The following STK11IP variants were observed in gnomAD, a reference collection of about 807,000 sequenced individuals.
STK11IP encodes serine/threonine-protein kinase 11-interacting protein.
Under a neutral mutation model 131.7 loss-of-function variants are expected in STK11IP, and 103 were observed. That is an observed-to-expected ratio of 0.78 (90% confidence interval 0.67 to 0.92). STK11IP has a LOEUF of 0.92. Ranked by LOEUF, STK11IP falls within the 40% of genes least tolerant of loss-of-function variation. The probability of loss-of-function intolerance (pLI) is 0.00; values close to 1 mark genes in which losing one functional copy is unlikely to be tolerated. For missense variants in STK11IP, 1,315 were observed against 1,385.7 expected (o/e 0.95, Z 0.81); for synonymous variants, 557 against 575.6 (o/e 0.97, Z 0.46).
chr2:219,612,739 G>T lies in STK11IP; in HGVS notation c.2440-389G>T, dbSNP rs550717757. 2.0e-5 allele frequency among the ~76,000 whole-genome samples: 3 copies of T among 152,012 alleles called. No homozygotes were observed. In the South Asian group the frequency reaches 6.2e-4, roughly 32 times the overall value. ...CAGGGGTCCTGAGAGGACTCTGGGG[G>T]GCCGGCAGGGGCCAGGTCAGGAGCT... On this transcript the variant is annotated intron_variant, in intron 19 of 24. Coordinates refer to ENST00000456909, the MANE Select transcript of STK11IP (RefSeq NM_052902.4).
At chr2:219,605,439 G>A in intron 7 of STK11IP, 169 bp from the exon 8 acceptor site, 1 of 642,234 alleles carries the variant, frequency 1.6e-6, no homozygotes, top group Non-Finnish European at 2.7e-6. Flanking sequence ...CAGTGCTGGT[G>A]TTGTTCAAGT....
intron 9 of STK11IP, 64 bp downstream of exon 9, chr2:219,606,123 G>C: frequency 6.5e-7 from 1 of 1,542,278 alleles, no homozygotes; most frequent in Non-Finnish European, 8.8e-7. Context: ...ATGCTGGTTT[G>C]GTCAGTGCCT....
rs1698256135 is a variant in STK11IP, at chr2:219,608,115, T to C, written c.1288T>C (p.Trp430Arg). The C allele has an allele frequency of 1.2e-6, 2 of 1,613,324 alleles. No individual in the cohort carries two copies. Residue 430 changes from tryptophan (W) to arginine (R), a missense_variant, in exon 14 of 25, where the codon TGG (tryptophan) becomes CGG (arginine). Trp to Arg is a moderately radical substitution (Grantham distance 101). Transcript: ENST00000456909. The part of the protein sequence containing the change: ...SSFRERFGRN[W>R]LQYRSHLEPS... ...CTTCCGGGAACGGTTCGGCCGCAAC[T>C]GGCTGCAGTACAGGAGTCACCTGGA...
In STK11IP at chr2:219,609,476, G is replaced by A; in HGVS notation, c.2040G>A (p.Lys680=). ...FQCLRCGHEF[K]PEEPRMGLDS... ...GTCTACGCTGTGGCCATGAGTTCAA[G>A]CCAGAGGAGCCCAGGATGGGATTAG... Residue 680 remains lysine, a synonymous_variant, in exon 17 of 25, where the codon AAG becomes AAA. Transcript: ENST00000456909. 6.2e-7 allele frequency: 1 copy of A among 1,605,730 alleles called. No individual in the cohort carries two copies. Among genetic ancestry groups the A allele is most frequent in the African/African-American group, 1.3e-5 (1 of 74,926 alleles).
chr2:219,606,181 T>C lies in STK11IP; in HGVS notation c.850-14T>C. ...GCCCCAGGCCCTCCTCATTCTCCCC[T>C]TCCTGCCCCTCAGCTCTACCTGGAG... is the stretch of plus-strand genomic sequence containing the variant. On this transcript the variant is annotated splice_polypyrimidine_tract_variant and intron_variant, in intron 9 of 24. Coordinates refer to ENST00000456909, the MANE Select transcript of STK11IP (RefSeq NM_052902.4). 6.4e-7 allele frequency: 1 copy of C among 1,557,220 alleles called. No individual in the cohort carries two copies. Among genetic ancestry groups the C allele is most frequent in the Non-Finnish European group, 8.7e-7 (1 of 1,149,918 alleles).
chr2:219,609,669 C>G (rs1262698587), intron 17 of STK11IP, 129 bp downstream of exon 17: 7 of 1,111,132 alleles, frequency 6.3e-6, no homozygotes, highest in African/African-American at 1.6e-5. Flanking sequence ...GTTGTTCTGC[C>G]TGGAGGAAAA....
chr2:219,605,856 C>A, intron 8 of STK11IP, 100 bp from the exon 9 acceptor site: 1 of 1,482,572 alleles, frequency 6.7e-7, no homozygotes, highest in South Asian at 1.2e-5. Flanking sequence ...CAGGGGTGCT[C>A]TGGCCGGTCT....
In STK11IP at chr2:219,611,828, A is replaced by C. The variant is rs776942634; in HGVS notation, c.2329A>C (p.Ser777Arg). ...STRDHGSWSL[S>R]PPPERCGLRS... ...CCGTGACCATGGTAGTTGGAGCCTC[A>C]GTCCCCGTGAGTATAGGCAAAACAA... The change falls in exon 18 of 25, where the codon AGT becomes CGT. Residue 777 changes from serine to arginine, a missense_variant. Coordinates refer to ENST00000456909, the MANE Select transcript of STK11IP (RefSeq NM_052902.4). The C allele has an allele frequency of 2.1e-5, 34 of 1,610,936 alleles. No individual in the cohort carries two copies. The highest frequency in any genetic ancestry group is 2.7e-5 in the Non-Finnish European group (32 of 1,178,898).
intron 3 of STK11IP, 49 bp downstream of exon 3, chr2:219,601,489 G>T: frequency 6.3e-7 from 1 of 1,598,116 alleles, no homozygotes; most frequent in South Asian, 1.1e-5. Context: ...CCAAGAGAAT[G>T]ATGGAAGTTG....
chr2:219,615,039 C>G, intron 23 of STK11IP, 55 bp from the exon 24 acceptor site: 1 of 1,567,382 alleles, frequency 6.4e-7, no homozygotes, highest in Non-Finnish European at 8.6e-7. Flanking sequence ...GACGCTGGCC[C>G]CAGGGATCTG....
Position 219,602,010 on chromosome 2 carries a change from G to A in STK11IP, c.365G>A (p.Cys122Tyr). The change falls in exon 5 of 25, where the codon TGT (cysteine) becomes TAT (tyrosine). Residue 122 changes from cysteine (C) to tyrosine (Y), a missense_variant. Transcript: ENST00000456909. ...CAGCTCCGAGGTGTTCCCCTCCACT[G>A]TCTGCATGGCCTCCGAGGCATCTAC... is the stretch of plus-strand genomic sequence containing the variant. ...HLELRGVPLHCLHGLRGIYSQ... is the reference protein window; with the variant it reads ...HLELRGVPLHYLHGLRGIYSQ... 6.2e-7 allele frequency: 1 copy of A among 1,611,786 alleles called. No individual in the cohort carries two copies. The highest frequency in any genetic ancestry group is 8.5e-7 in the Non-Finnish European group (1 of 1,179,108).
intron 10 of STK11IP, 80 bp downstream of exon 10, chr2:219,606,370 G>T: frequency 1.9e-6 from 3 of 1,546,204 alleles, no homozygotes; most frequent in Non-Finnish European, 2.6e-6. Flanking sequence ...TGCCATCCCT[G>T]GGTGAGGGGC....
chr2:219,602,659 T>C (rs1259395678), intron 6 of STK11IP, 46 bp from the exon 7 acceptor site: 1 of 1,612,110 alleles, frequency 6.2e-7, no homozygotes, highest in Admixed American at 1.7e-5. Flanking sequence ...GACCAGATAG[T>C]ATTGTAGTGA....
chr2:219,606,989 C>T, intron 12 of STK11IP, 64 bp from the exon 13 acceptor site: 2 of 1,608,772 alleles, frequency 1.2e-6, no homozygotes, highest in Admixed American at 3.3e-5. Flanking sequence ...GTTGGATGGC[C>T]AGCCGTGGAT....
Position 219,605,607 on chromosome 2 carries a change from G to C in STK11IP, c.619-1G>C, listed in dbSNP as rs768243081. 2.4e-5 allele frequency: 37 copies of C among 1,551,764 alleles called. No homozygotes were observed. The highest frequency in any genetic ancestry group is 3.2e-5 in the Non-Finnish European group (37 of 1,147,032). ...CTTTTTCTCCCCTGTACCCCTGCCA[G>C]GATTTGTGTGAGCTCCACCATCTGG... On this transcript the variant is annotated splice_acceptor_variant, in intron 7 of 24. Transcript: ENST00000456909. LOFTEE classifies it high-confidence loss of function.
rs774957017 is a variant in STK11IP, at chr2:219,601,293, G to A, written c.120G>A (p.Gln40=). ...TLSLLTPTLQ[Q]LNHVFELHLG... ...GCCTGCTGACTCCCACACTGCAACAGCTGAACCACGTATTTGAGCTGCACC... is the reference window on the plus strand; with the variant it reads ...GCCTGCTGACTCCCACACTGCAACAACTGAACCACGTATTTGAGCTGCACC... The change falls in exon 3 of 25, where the codon CAG becomes CAA. Residue 40 remains glutamine (Q), a synonymous_variant. Coordinates refer to ENST00000456909, the MANE Select transcript of STK11IP (RefSeq NM_052902.4). 1.9e-6 allele frequency: 3 copies of A among 1,614,064 alleles called. No individual in the cohort carries two copies. In the Admixed American group the frequency reaches 5.0e-5, roughly 27 times the overall value.
intron 19 of STK11IP, among the ~76,000 whole-genome samples, chr2:219,612,875 T>C (rs552719583): frequency 2.0e-5 from 3 of 152,090 alleles, no homozygotes; most frequent in Non-Finnish European, 4.4e-5. Flanking sequence ...GAATAGTTAG[T>C]CTGGCGGAGC....
At chr2:219,612,103 GC>G in intron 19 of STK11IP, 45 bp downstream of exon 19, 1 of 1,537,254 alleles carries the variant, frequency 6.5e-7, no homozygotes, top group East Asian at 2.4e-5. Flanking sequence ...TGTCCAGGGT[GC>G]CCACTCGTTT....
At position 219,602,077 on chromosome 2, in the gene STK11IP, A is replaced by G. The variant is rs753817039; in HGVS notation, c.432A>G (p.Ala144=). The change falls in exon 5 of 25, where the codon GCA becomes GCG. Residue 144 remains alanine (A), a synonymous_variant. Coordinates refer to ENST00000456909, the MANE Select transcript of STK11IP (RefSeq NM_052902.4). ...TGATTTGCAGCAGGAGCCTCCAGGC[A>G]TTAGAGGTAAGGAGAGTGAGGGGTG... is the stretch of plus-strand genomic sequence containing the variant. The part of the protein sequence containing the change: ...ETLICSRSLQ[A]LEELLSACGG... The G allele has an allele frequency of 3.2e-5, 52 of 1,602,282 alleles. No individual in the cohort carries two copies. Among genetic ancestry groups the G allele is most frequent in the Admixed American group, 2.7e-4 (16 of 58,214 alleles).
Sources: gnomAD v4.1 joint callset for allele counts (sites outside exome capture counted in the v4.1 genomes callset) on GRCh38, gnomAD v4.1.1 for gene constraint, MANE v1.5 for transcripts, NCBI Gene and HGNC (gene_info 2026-07-23, HGNC 2026-07-21) for gene names.